Variants in NPAS3 observed in about 807,000 individuals in gnomAD.
NPAS3 encodes neuronal PAS domain-containing protein 3.
Under a neutral mutation model 73.1 loss-of-function variants are expected in NPAS3, and 14 were observed. The ratio of observed to expected loss-of-function variants is 0.19; its 90% CI spans 0.13 to 0.30. NPAS3 has a LOEUF of 0.30. NPAS3 is among the 10% of genes least tolerant of loss of function. The pLI, the probability that NPAS3 is intolerant of heterozygous loss-of-function variation, is 1.00. For missense variants in NPAS3, 1,096 were observed against 1,250.0 expected (o/e 0.88, Z 1.86); for synonymous variants, 620 against 541.5 (o/e 1.14, Z -2.01).
intron 4 of NPAS3, among the ~76,000 whole-genome samples, chr14:33,456,387 A>G (rs556018733): frequency 6.6e-6 from 1 of 152,294 alleles, no homozygotes; most frequent in African/African-American, 2.4e-5. Context: ...TTGTTGACAA[A>G]TGATAAAACT....
chr14:33,142,191 C>CTTTTTTTTTT (rs10709910), intron 2 of NPAS3, among the ~76,000 whole-genome samples: 9 of 38,100 alleles, frequency 2.4e-4, no homozygotes, highest in East Asian at 1.2e-3. Flanking sequence ...TTTGTATAAG[C>CTTTTTTTTTT]TTTTTTTTTT....
chr14:32,943,693 C>CTTTTTTT (rs11331212), intron 1 of NPAS3, among the ~76,000 whole-genome samples: 2 of 122,292 alleles, frequency 1.6e-5, no homozygotes, highest in East Asian at 4.5e-4. Flanking sequence ...TTTTCTTTTT[C>CTTTTTTT]TTTTTTTTTT....
chr14:33,177,535 A>T (rs564375467), intron 2 of NPAS3, among the ~76,000 whole-genome samples: 52 of 152,290 alleles, frequency 3.4e-4, no homozygotes, highest in Admixed American at 3.3e-3. Context: ...TGTTCAATTT[A>T]TCTTTTGTTT....
At chr14:33,354,229 A>G (rs1162297424) in intron 3 of NPAS3, among the ~76,000 whole-genome samples, 2 of 152,062 alleles carry the variant, frequency 1.3e-5, no homozygotes, top group African/African-American at 2.4e-5. Flanking sequence ...TAGGAGAGTC[A>G]TCCCTTACTC....
At chr14:33,657,199 C>G (rs1214856504) in intron 5 of NPAS3, among the ~76,000 whole-genome samples, 2 of 152,178 alleles carry the variant, frequency 1.3e-5, no homozygotes, top group African/African-American at 4.8e-5. Context: ...GCATCTGATG[C>G]AGCTGTGAGA....
intron 3 of NPAS3, among the ~76,000 whole-genome samples, chr14:33,238,399 T>G (rs1477691261): frequency 1.3e-5 from 2 of 152,076 alleles, no homozygotes; most frequent in Non-Finnish European, 2.9e-5. Context: ...ATTCTCTCTG[T>G]AGTCCCACAG....
At chr14:33,659,615 A>C (rs2059248209) in intron 5 of NPAS3, among the ~76,000 whole-genome samples, 1 of 152,206 alleles carries the variant, frequency 6.6e-6, no homozygotes, top group Non-Finnish European at 1.5e-5. Flanking sequence ...CAAGAGACTT[A>C]ATAATAATTG....
intron 4 of NPAS3, among the ~76,000 whole-genome samples, chr14:33,453,943 A>G (rs1339810316): frequency 6.6e-6 from 1 of 151,948 alleles, no homozygotes; most frequent in African/African-American, 2.4e-5. Context: ...GCCTGCCTCT[A>G]CCTCCCAAAG....
chr14:33,663,836 G>T (rs1398659698), intron 5 of NPAS3, among the ~76,000 whole-genome samples: 2 of 152,100 alleles, frequency 1.3e-5, no homozygotes, highest in South Asian at 2.1e-4. Flanking sequence ...TTGCATAGAG[G>T]TGTTTATTGT....
chr14:33,285,247 G>T (rs759007018), intron 3 of NPAS3, among the ~76,000 whole-genome samples: 5 of 152,114 alleles, frequency 3.3e-5, no homozygotes, highest in Non-Finnish European at 4.4e-5. Context: ...CAGAAGCTTG[G>T]TTCCCTCCAT....
chr14:33,482,064 T>G (rs1471241824), intron 4 of NPAS3, among the ~76,000 whole-genome samples: 1 of 151,692 alleles, frequency 6.6e-6, no homozygotes, highest in African/African-American at 2.4e-5. Flanking sequence ...TTTTTTTTTT[T>G]TTTTTTTAAG....
At chr14:33,349,703 A>G (rs1041453081) in intron 3 of NPAS3, among the ~76,000 whole-genome samples, 2 of 152,188 alleles carry the variant, frequency 1.3e-5, no homozygotes, top group East Asian at 3.8e-4. Context: ...ATCATTTTGT[A>G]CATTACGAGT....
intron 2 of NPAS3, among the ~76,000 whole-genome samples, chr14:33,140,956 G>T (rs1323281859): frequency 6.6e-6 from 1 of 152,184 alleles, no homozygotes; most frequent in Non-Finnish European, 1.5e-5. Context: ...CAATCTGTAT[G>T]TTTGCCTCTT....
intron 4 of NPAS3, among the ~76,000 whole-genome samples, chr14:33,428,986 G>A (rs564267605): frequency 1.6e-4 from 25 of 152,160 alleles, no homozygotes; most frequent in Non-Finnish European, 2.9e-4. Context: ...CCAAAATAGC[G>A]AGGAGGTTGG....
At chr14:33,077,794 C>CTTTTT (rs2041715836) in intron 2 of NPAS3, among the ~76,000 whole-genome samples, 1 of 20,758 alleles carries the variant, frequency 4.8e-5, no homozygotes, top group Non-Finnish European at 1.6e-4. Flanking sequence ...TTTTTTGCCC[C>CTTTTT]TTTTGGCTTC....
intron 7 of NPAS3, among the ~76,000 whole-genome samples, chr14:33,773,943 G>A (rs1194312637): frequency 2.0e-5 from 3 of 152,184 alleles, no homozygotes; most frequent in Non-Finnish European, 1.5e-5. Context: ...AGATGGCCAT[G>A]TAATCCCACT....
intron 5 of NPAS3, among the ~76,000 whole-genome samples, chr14:33,657,266 T>C (rs1211633853): frequency 2.0e-5 from 3 of 152,170 alleles, no homozygotes; most frequent in African/African-American, 4.8e-5. Flanking sequence ...ATACAAATGA[T>C]AACAACACAG....
chr14:33,308,853 C>T (rs2140184528), intron 3 of NPAS3, among the ~76,000 whole-genome samples: 1 of 152,000 alleles, frequency 6.6e-6, no homozygotes, highest in East Asian at 1.9e-4. Context: ...ATTAATAGTG[C>T]TTAAGTTATA....
intron 1 of NPAS3, among the ~76,000 whole-genome samples, chr14:33,036,776 G>T (rs946735637): frequency 5.9e-5 from 9 of 152,022 alleles, no homozygotes; most frequent in Non-Finnish European, 1.3e-4. Flanking sequence ...CTTTTTGAAG[G>T]ATGCTGAAAA....
Sources: gnomAD v4.1 joint callset for allele counts (sites outside exome capture counted in the v4.1 genomes callset) on GRCh38, gnomAD v4.1.1 for gene constraint, MANE v1.5 for transcripts, NCBI Gene and HGNC (gene_info 2026-07-23, HGNC 2026-07-21) for gene names.